Variants in FBXO47 observed in about 807,000 individuals in gnomAD.
FBXO47 encodes the protein F-box protein 47.
Under a neutral mutation model 53.9 loss-of-function variants are expected in FBXO47, and 34 were observed. That is an observed-to-expected ratio of 0.63 (90% CI 0.48 to 0.84). The LOEUF is 0.84. Ranked by LOEUF, FBXO47 falls within the 40% of genes least tolerant of loss-of-function variation. The probability of loss-of-function intolerance (pLI) is 0.00; values close to 1 mark genes in which losing one functional copy is unlikely to be tolerated. For missense variants in FBXO47, 485 were observed against 541.3 expected (o/e 0.90, Z 1.03); for synonymous variants, 165 against 181.6 (o/e 0.91, Z 0.73).
chr17:38,965,515 C>T (rs779552625), intron 1 of FBXO47, among the ~76,000 whole-genome samples: 3 of 151,734 alleles, frequency 2.0e-5, no homozygotes, highest in Non-Finnish European at 4.4e-5. Flanking sequence ...GAAACCATAC[C>T]ACAGCGATTG....
chr17:38,962,859 A>T lies in FBXO47; in HGVS notation c.167T>A (p.Leu56Ter), dbSNP rs945124681. The change falls in exon 2 of 11, where the codon TTA becomes TAA. Residue 56 changes from leucine (L) to a stop codon, truncating the protein, a stop_gained. Coordinates refer to ENST00000378079, the MANE Select transcript of FBXO47 (RefSeq NM_001008777.3). LOFTEE classifies it high-confidence loss of function. ...ALPLEIFQII[L>*]KYLSVKDISM... is the part of the protein sequence containing the mutation. ...CCAAACCTCACCTGACAAATATTTT[A>T]AAATTATCTGGAATATTTCCAATGG... 1.6e-5 allele frequency: 25 copies of T among 1,610,274 alleles called. No homozygotes were observed. The highest frequency in any genetic ancestry group is 2.2e-5 in the East Asian group (1 of 44,824).
chr17:38,943,052 T>A (rs1904583167), intron 8 of FBXO47, 132 bp from the exon 9 acceptor site: 2 of 838,250 alleles, frequency 2.4e-6, no homozygotes, highest in South Asian at 3.8e-5. Context: ...CAGAAAAAAA[T>A]GCTCTAGTTT....
At chr17:38,943,512 A>T in intron 8 of FBXO47, 78 bp downstream of exon 8, 1 of 903,974 alleles carries the variant, frequency 1.1e-6, no homozygotes, top group Non-Finnish European at 1.6e-6. Context: ...TGTTACCTGT[A>T]GAATTATCCT....
chr17:38,943,914 G>C (rs187617675), intron 7 of FBXO47, among the ~76,000 whole-genome samples, 178 bp from the exon 8 acceptor site: 3 of 152,094 alleles, frequency 2.0e-5, no homozygotes, highest in Non-Finnish European at 4.4e-5. Flanking sequence ...GTCTCTGGCC[G>C]GGCGTGGTGG....
intron 6 of FBXO47, among the ~76,000 whole-genome samples, chr17:38,946,039 A>ATATATATT (rs1904759930): frequency 1.5e-5 from 2 of 133,806 alleles, no homozygotes; most frequent in African/African-American, 5.6e-5. Context: ...ATATATATAA[A>ATATATATT]TATATATAAA....
intron 10 of FBXO47, 108 bp downstream of exon 10, chr17:38,938,465 T>TTTC: frequency 1.3e-6 from 1 of 741,020 alleles, no homozygotes; most frequent in Non-Finnish European, 2.0e-6. Flanking sequence ...GAAATAGCTT[T>TTTC]TTTTTTTTTT....
At chr17:38,950,862 A>C (rs1018266447) in intron 6 of FBXO47, among the ~76,000 whole-genome samples, 2 of 151,972 alleles carry the variant, frequency 1.3e-5, no homozygotes, top group Non-Finnish European at 2.9e-5. Flanking sequence ...TCATTCCCTT[A>C]CATTTCTTTG....
At chr17:38,948,207 ATTTTTTTTT>A in intron 6 of FBXO47, among the ~76,000 whole-genome samples, 1 of 89,294 alleles carries the variant, frequency 1.1e-5, no homozygotes, top group South Asian at 4.1e-4. Context: ...CCTATTCTGG[ATTTTTTTTT>A]TTTTTTTTTT....
At chr17:38,941,834 A>G (rs1367051785) in intron 9 of FBXO47, among the ~76,000 whole-genome samples, 1 of 150,830 alleles carries the variant, frequency 6.6e-6, no homozygotes, top group African/African-American at 2.4e-5. Flanking sequence ...CAACACACCG[A>G]GCTAATTTTT....
intron 6 of FBXO47, among the ~76,000 whole-genome samples, chr17:38,949,446 A>AAAC (rs1286840823): frequency 6.6e-6 from 1 of 151,616 alleles, no homozygotes; most frequent in Non-Finnish European, 1.5e-5. Context: ...AAACAAAACA[A>AAAC]AACAACAATA....
rs1297105430 is a variant in FBXO47, at chr17:38,957,272, A to G, written c.353-19T>C. The G allele has an allele frequency of 1.3e-6, 2 of 1,540,892 alleles. No individual in the cohort carries two copies. The highest frequency in any genetic ancestry group is 1.4e-5 in the African/African-American group (1 of 73,388). On this transcript the variant is annotated intron_variant, in intron 3 of 10. Transcript: ENST00000378079. ...AGTAGACCTAAGAAAGTAAAGAGAC[A>G]TAAGAAAAAATGACAACAATACAAT...
At chr17:38,939,652 C>CCT (rs1357948639) in intron 9 of FBXO47, among the ~76,000 whole-genome samples, 1 of 91,108 alleles carries the variant, frequency 1.1e-5, no homozygotes, top group Non-Finnish European at 2.1e-5. Flanking sequence ...TAAAAGGTTT[C>CCT]TTTTTTTTTT....
chr17:38,943,438 A>G (rs1253966617), intron 8 of FBXO47, 152 bp downstream of exon 8: 2 of 479,058 alleles, frequency 4.2e-6, no homozygotes, highest in Non-Finnish European at 7.0e-6. Context: ...CATTCTCTTC[A>G]AACATAATGC....
At chr17:38,940,965 C>A (rs922811469) in intron 9 of FBXO47, among the ~76,000 whole-genome samples, 1 of 151,766 alleles carries the variant, frequency 6.6e-6, no homozygotes, top group Non-Finnish European at 1.5e-5. Flanking sequence ...AGACATGAAC[C>A]AATGCACTCA....
At chr17:38,953,916 G>T (rs1376195421) in intron 5 of FBXO47, among the ~76,000 whole-genome samples, 1 of 152,198 alleles carries the variant, frequency 6.6e-6, no homozygotes, top group Non-Finnish European at 1.5e-5. Flanking sequence ...GGGTGAGTAG[G>T]AGTTGGTGGC....
chr17:38,954,359 G>C (rs1905450508), intron 5 of FBXO47, among the ~76,000 whole-genome samples: 2 of 151,936 alleles, frequency 1.3e-5, no homozygotes, highest in African/African-American at 4.8e-5. Context: ...AAACTGCTTA[G>C]AACAGTGTTT....
intron 7 of FBXO47, 44 bp downstream of exon 7, chr17:38,944,916 A>G (rs1042500021): frequency 5.2e-6 from 8 of 1,538,870 alleles, no homozygotes; most frequent in Non-Finnish European, 7.2e-6. Context: ...TAAAGTAAAA[A>G]TAATGAACCA....
chr17:38,947,083 CAT>C (rs1200531855), intron 6 of FBXO47, among the ~76,000 whole-genome samples: 48 of 106,382 alleles, frequency 4.5e-4, no homozygotes, highest in African/African-American at 1.4e-3. Context: ...CATATATAAA[CAT>C]ATATATAAAC....
At chr17:38,946,629 T>C (rs1460692767) in intron 6 of FBXO47, among the ~76,000 whole-genome samples, 8 of 24,188 alleles carry the variant, frequency 3.3e-4, no homozygotes, top group African/African-American at 1.7e-3. Context: ...TAAATATATA[T>C]GAATATATAA....
Sources: gnomAD v4.1 joint callset for allele counts (sites outside exome capture counted in the v4.1 genomes callset) on GRCh38, gnomAD v4.1.1 for gene constraint, MANE v1.5 for transcripts, NCBI Gene and HGNC (gene_info 2026-07-23, HGNC 2026-07-21) for gene names.